APBB2: variants seen among roughly 807,000 people sequenced by gnomAD.
APBB2 encodes the protein Fe65-like 1.
In APBB2, 38 loss-of-function variants were observed where a neutral mutation model predicts 82.5. The ratio of observed to expected loss-of-function variants is 0.46; its 90% CI spans 0.36 to 0.60. APBB2 has a LOEUF of 0.60. Among genes scored for constraint, APBB2 ranks in the 20% least tolerant of loss-of-function variants. The probability of loss-of-function intolerance (pLI) is 0.00; values close to 1 mark genes in which losing one functional copy is unlikely to be tolerated. For missense variants in APBB2, 772 were observed against 972.3 expected (o/e 0.79, Z 2.74); for synonymous variants, 341 against 368.2 (o/e 0.93, Z 0.85).
intron 7 of APBB2, among the ~76,000 whole-genome samples, chr4:40,940,263 GA>G (rs1169367422): frequency 3.3e-5 from 5 of 152,154 alleles, no homozygotes; most frequent in Admixed American, 3.3e-4. Context: ...AATTTTTGAG[GA>G]AGGGACATGC....
At chr4:41,097,418 A>G (rs1743885581) in intron 3 of APBB2, among the ~76,000 whole-genome samples, 1 of 152,212 alleles carries the variant, frequency 6.6e-6, no homozygotes, top group Non-Finnish European at 1.5e-5. Context: ...TATATTCCAC[A>G]TATTTACACT....
intron 10 of APBB2, among the ~76,000 whole-genome samples, chr4:40,917,183 G>A (rs1278484454): frequency 6.6e-6 from 1 of 152,174 alleles, no homozygotes; most frequent in Non-Finnish European, 1.5e-5. Flanking sequence ...TCCCAAATCT[G>A]AACTCCAACT....
chr4:41,154,017 A>C (rs1224395150), intron 1 of APBB2, among the ~76,000 whole-genome samples: 1 of 152,228 alleles, frequency 6.6e-6, no homozygotes, highest in African/African-American at 2.4e-5. Context: ...ATAGAGGTCC[A>C]TAAATTACTG....
At position 40,810,229 on chromosome 4, in the gene APBB2, G is replaced by A. The variant is rs1206881050; in HGVS notation, c.*5863C>T. The A allele has an allele frequency of 2.6e-5, 4 of 152,024 alleles. No individual in the cohort carries two copies. Among genetic ancestry groups the A allele is most frequent in the Admixed American group, 6.6e-5 (1 of 15,256 alleles). The allele number at this position is 152,024 out of a possible 1,614,324, so 9.4% of individuals were successfully genotyped here. On this transcript the variant is annotated 3_prime_UTR_variant, in exon 18 of 18. Transcript: ENST00000508593. ...AGAGAATGGTGAATTGTATTATAGC[G>A]GTAATACATTATTTTTATTTTAGCT... is the stretch of plus-strand genomic sequence containing the variant.
rs77792342 is a variant in APBB2, at chr4:40,913,759, T to A, written c.1255-20348A>T. Among the ~76,000 whole-genome samples the A allele has an allele frequency of 4.5e-3, 693 of 152,312 alleles. 1 individual carries two copies. Among genetic ancestry groups the A allele is most frequent in the Middle Eastern group, 0.017 (5 of 294 alleles). On this transcript the variant is annotated intron_variant, in intron 10 of 17. Coordinates refer to ENST00000508593, the MANE Select transcript of APBB2 (RefSeq NM_004307.2). ...CATTTAGTACCACTTTTTTCACATT[T>A]TCGTGCCCTTTAGCAGTGATTTTGC... is the stretch of plus-strand genomic sequence containing the variant.
At chr4:40,888,193 C>T (rs1770886005) in intron 12 of APBB2, among the ~76,000 whole-genome samples, 4 of 152,260 alleles carry the variant, frequency 2.6e-5, no homozygotes, top group Admixed American at 2.6e-4. Context: ...TACACATGCA[C>T]ATGCACATAT....
chr4:40,940,723 G>A (rs763616295), intron 7 of APBB2, among the ~76,000 whole-genome samples: 23 of 152,158 alleles, frequency 1.5e-4, no homozygotes, highest in Non-Finnish European at 2.9e-4. Context: ...TCATTTTCTC[G>A]AGCTTCAGAC....
intron 1 of APBB2, among the ~76,000 whole-genome samples, chr4:41,144,751 C>G (rs1702880867): frequency 6.6e-6 from 1 of 152,180 alleles, no homozygotes; most frequent in Admixed American, 6.5e-5. Context: ...GACAGAGAAC[C>G]ATAGTTGTTT....
chr4:40,942,294 T>C (rs567852087), intron 7 of APBB2, among the ~76,000 whole-genome samples: 6 of 152,306 alleles, frequency 3.9e-5, no homozygotes, highest in South Asian at 4.1e-4. Flanking sequence ...TCTAAAAATA[T>C]GCACCTTTAA....
intron 12 of APBB2, chr4:40,848,960 G>A (rs1306255408): frequency 1.1e-5 from 11 of 964,868 alleles, no homozygotes; most frequent in African/African-American, 7.0e-5. Context: ...AAGCTCATGC[G>A]AGCAAGAACC....
At chr4:40,953,641 A>G (rs1375788776) in intron 6 of APBB2, among the ~76,000 whole-genome samples, 1 of 152,088 alleles carries the variant, frequency 6.6e-6, no homozygotes, top group Non-Finnish European at 1.5e-5. Context: ...TGGCCCATAT[A>G]TTTCTAAAAC....
chr4:40,895,004 T>C (rs1035371468), intron 10 of APBB2, among the ~76,000 whole-genome samples: 2 of 152,188 alleles, frequency 1.3e-5, no homozygotes, highest in Non-Finnish European at 2.9e-5. Context: ...GCCAACAGAC[T>C]GGATCTCAAA....
intron 3 of APBB2, among the ~76,000 whole-genome samples, chr4:41,083,127 C>A (rs758804652): frequency 6.6e-6 from 1 of 151,792 alleles, no homozygotes; most frequent in Non-Finnish European, 1.5e-5. Context: ...ATCATCCCAC[C>A]GCACTCCAGC....
At chr4:41,010,381 T>C (rs1807988077) in intron 6 of APBB2, among the ~76,000 whole-genome samples, 1 of 151,058 alleles carries the variant, frequency 6.6e-6, no homozygotes, top group South Asian at 2.1e-4. Context: ...CTTCTTAACA[T>C]GTAAAAAAAA....
At chr4:41,041,476 C>T (rs949547995) in intron 4 of APBB2, among the ~76,000 whole-genome samples, 1 of 152,154 alleles carries the variant, frequency 6.6e-6, no homozygotes, top group Non-Finnish European at 1.5e-5. Context: ...ACTTGAATTT[C>T]TTACATTTTT....
At chr4:40,988,209 G>C (rs1416479088) in intron 6 of APBB2, among the ~76,000 whole-genome samples, 1 of 152,230 alleles carries the variant, frequency 6.6e-6, no homozygotes, top group Non-Finnish European at 1.5e-5. Context: ...AACAGCACCA[G>C]ATCCAGACTT....
At chr4:40,876,994 C>T (rs150564889) in intron 12 of APBB2, among the ~76,000 whole-genome samples, 196 of 152,322 alleles carry the variant, frequency 1.3e-3, no homozygotes, top group Non-Finnish European at 2.2e-3. Context: ...TAGGGCTGAC[C>T]ACCACTATGG....
chr4:40,934,770 G>C, intron 8 of APBB2, 71 bp from the exon 9 acceptor site: 4 of 1,127,544 alleles, frequency 3.5e-6, no homozygotes, highest in Non-Finnish European at 5.3e-6. Context: ...ATATCAAAGG[G>C]GAGAAACGTC....
intron 12 of APBB2, among the ~76,000 whole-genome samples, chr4:40,884,750 C>A (rs2154348163): frequency 6.6e-6 from 1 of 152,228 alleles, no homozygotes; most frequent in South Asian, 2.1e-4. Flanking sequence ...GGCAACAGAG[C>A]AAGACCCTGT....
Sources: allele counts gnomAD v4.1 joint callset (sites outside exome capture counted in the v4.1 genomes callset), GRCh38; gene constraint gnomAD v4.1.1; transcripts MANE v1.5; gene names NCBI Gene and HGNC (gene_info 2026-07-23, HGNC 2026-07-21).